ERBB4: variants seen among roughly 807,000 people sequenced by gnomAD.
The protein encoded by ERBB4 is erb-b2 receptor tyrosine kinase 4, also known as receptor tyrosine-protein kinase erbB-4.
ERBB4 carries 42 observed loss-of-function variants against 158.0 expected under a neutral mutation model. That is an observed-to-expected ratio of 0.27 (90% CI 0.21 to 0.34). The LOEUF (loss-of-function observed/expected upper bound fraction) is 0.34, where lower values mean the gene tolerates loss of function less well. Among genes scored for constraint, ERBB4 ranks in the 10% least tolerant of loss-of-function variants. The probability of loss-of-function intolerance (pLI) is 1.00; values close to 1 mark genes in which losing one functional copy is unlikely to be tolerated. For missense variants in ERBB4, 1,333 were observed against 1,624.1 expected (o/e 0.82, Z 3.08); for synonymous variants, 583 against 558.7 (o/e 1.04, Z -0.61).
intron 1 of ERBB4, among the ~76,000 whole-genome samples, chr2:212,332,945 T>C (rs555974474): frequency 2.6e-5 from 4 of 151,936 alleles, no homozygotes; most frequent in Non-Finnish European, 4.4e-5. Context: ...GAGGAGAACA[T>C]GGGTATAAAA....
chr2:212,024,767 G>A (rs2076735665), intron 2 of ERBB4, among the ~76,000 whole-genome samples: 1 of 151,752 alleles, frequency 6.6e-6, no homozygotes, highest in Admixed American at 6.6e-5. Context: ...AACAGAAAGG[G>A]TTGACTGAGC....
At chr2:212,061,270 T>C (rs1207794951) in intron 2 of ERBB4, among the ~76,000 whole-genome samples, 1 of 151,264 alleles carries the variant, frequency 6.6e-6, no homozygotes, top group African/African-American at 2.4e-5. Flanking sequence ...CTTGCCAACA[T>C]TGTTAAGCTC....
intron 1 of ERBB4, among the ~76,000 whole-genome samples, chr2:212,473,931 T>C (rs1689241402): frequency 6.6e-6 from 1 of 152,140 alleles, no homozygotes; most frequent in African/African-American, 2.4e-5. Flanking sequence ...TCCATATTAA[T>C]CCTGAATAGG....
intron 1 of ERBB4, among the ~76,000 whole-genome samples, chr2:212,144,454 T>G (rs1450979229): frequency 6.6e-6 from 1 of 152,180 alleles, no homozygotes; most frequent in Non-Finnish European, 1.5e-5. Context: ...CCACAACTTT[T>G]CCTATATTTT....
intron 3 of ERBB4, among the ~76,000 whole-genome samples, chr2:211,895,882 T>C (rs2079085147): frequency 6.6e-6 from 1 of 152,182 alleles, no homozygotes; most frequent in African/African-American, 2.4e-5. Context: ...TTTTTTCCAG[T>C]GTCGTCATCT....
At chr2:211,862,711 T>A (rs1354880528) in intron 3 of ERBB4, among the ~76,000 whole-genome samples, 1 of 152,222 alleles carries the variant, frequency 6.6e-6, no homozygotes, top group Non-Finnish European at 1.5e-5. Context: ...ATATATCAGA[T>A]CATTATTTTA....
chr2:211,637,580 T>A (rs1046989613), intron 16 of ERBB4, among the ~76,000 whole-genome samples: 1 of 151,962 alleles, frequency 6.6e-6, no homozygotes, highest in African/African-American at 2.4e-5. Flanking sequence ...GCTTTTTTGA[T>A]CCTATATACT....
intron 20 of ERBB4, among the ~76,000 whole-genome samples, chr2:211,552,973 ATT>A (rs34100604): frequency 1.0e-4 from 15 of 146,932 alleles, no homozygotes; most frequent in African/African-American, 2.5e-4. Flanking sequence ...CAAATAATAC[ATT>A]TTTTTTTTTT....
At chr2:212,116,359 C>G (rs1235168789) in intron 2 of ERBB4, among the ~76,000 whole-genome samples, 1 of 152,060 alleles carries the variant, frequency 6.6e-6, no homozygotes, top group Non-Finnish European at 1.5e-5. Context: ...AGTTATACAT[C>G]TTTATCATAG....
At chr2:211,790,988 T>G (rs1380695544) in intron 3 of ERBB4, among the ~76,000 whole-genome samples, 1 of 151,954 alleles carries the variant, frequency 6.6e-6, no homozygotes, top group Non-Finnish European at 1.5e-5. Context: ...TTACATATAT[T>G]CTTAAAGTTT....
chr2:211,739,413 T>C (rs2074715442), intron 5 of ERBB4, among the ~76,000 whole-genome samples: 1 of 152,194 alleles, frequency 6.6e-6, no homozygotes, highest in Non-Finnish European at 1.5e-5. Flanking sequence ...ATTTTAATAC[T>C]TGATAGGGAA....
intron 14 of ERBB4, among the ~76,000 whole-genome samples, chr2:211,667,087 T>C (rs896104949): frequency 6.9e-5 from 10 of 144,714 alleles, no homozygotes; most frequent in African/African-American, 1.1e-4. Context: ...TAATGACACC[T>C]GATGAGCCAA....
chr2:212,090,037 T>C (rs1254770384), intron 2 of ERBB4, among the ~76,000 whole-genome samples: 3 of 152,138 alleles, frequency 2.0e-5, no homozygotes, highest in Non-Finnish European at 2.9e-5. Flanking sequence ...AGCCTCTGCC[T>C]TTCCTGGTCA....
chr2:212,006,314 T>C (rs907910940), intron 2 of ERBB4, among the ~76,000 whole-genome samples: 1 of 152,164 alleles, frequency 6.6e-6, no homozygotes, highest in Non-Finnish European at 1.5e-5. Flanking sequence ...ATCTACCTCT[T>C]TCATTATATA....
In ERBB4 at chr2:212,513,022, T is replaced by A. The variant is rs563215362; in HGVS notation, c.82+25427A>T. 3.9e-5 allele frequency among the ~76,000 whole-genome samples: 6 copies of A among 152,318 alleles called. No homozygotes were observed. The South Asian group carries it at 1.2e-3, about 32-fold the overall frequency. ...CTCCGCACCACTTTTCCACTCTTCA[T>A]CTAATTCTTATCATCTTCATAACTC... On this transcript the variant is annotated intron_variant, in intron 1 of 27. Transcript: ENST00000342788.
chr2:211,963,809 T>A (rs2081245548), intron 2 of ERBB4, among the ~76,000 whole-genome samples: 1 of 152,208 alleles, frequency 6.6e-6, no homozygotes, highest in African/African-American at 2.4e-5. Flanking sequence ...GTCAGTCATT[T>A]CCTTTATAGG....
intron 20 of ERBB4, among the ~76,000 whole-genome samples, chr2:211,557,533 T>C (rs1240098523): frequency 6.6e-6 from 1 of 152,100 alleles, no homozygotes; most frequent in Non-Finnish European, 1.5e-5. Context: ...TCACTGATCA[T>C]TAGAGAAATG....
intron 1 of ERBB4, among the ~76,000 whole-genome samples, chr2:212,467,948 T>C (rs1330338055): frequency 6.6e-6 from 1 of 152,210 alleles, no homozygotes; most frequent in African/African-American, 2.4e-5. Flanking sequence ...ATGACCTGGA[T>C]GTGAGACATG....
intron 9 of ERBB4, among the ~76,000 whole-genome samples, chr2:211,711,592 A>C (rs941072135): frequency 1.3e-5 from 2 of 152,166 alleles, no homozygotes; most frequent in African/African-American, 4.8e-5. Context: ...CATCAGGACA[A>C]AGAATTTCTG....
Sources: gnomAD v4.1 joint callset for allele counts (sites outside exome capture counted in the v4.1 genomes callset) on GRCh38, gnomAD v4.1.1 for gene constraint, MANE v1.5 for transcripts, NCBI Gene and HGNC (gene_info 2026-07-23, HGNC 2026-07-21) for gene names.